The following PDE10A variants were observed in gnomAD, a reference collection of about 807,000 sequenced individuals.
PDE10A encodes the protein cAMP and cAMP-inhibited cGMP 3',5'-cyclic phosphodiesterase 10A.
Under a neutral mutation model 97.7 loss-of-function variants are expected in PDE10A, and 39 were observed. That is an observed-to-expected ratio of 0.40 (90% CI 0.31 to 0.52). The LOEUF is 0.52. Among genes scored for constraint, PDE10A ranks in the 20% least tolerant of loss-of-function variants. The pLI, the probability that PDE10A is intolerant of heterozygous loss-of-function variation, is 0.56. For synonymous variants in PDE10A, 371 were observed against 376.8 expected, an observed-to-expected ratio of 0.98 and a Z score of 0.18; for missense variants, 731 against 1,047.8, an observed-to-expected ratio of 0.70 and a Z score of 4.17.
chr6:165,818,474 G>A (rs1779479644), intron 1 of PDE10A, among the ~76,000 whole-genome samples: 1 of 152,168 alleles, frequency 6.6e-6, no homozygotes, highest in African/African-American at 2.4e-5. Flanking sequence ...CCAGGGGAAG[G>A]CTGAGCACAC....
intron 1 of PDE10A, among the ~76,000 whole-genome samples, chr6:165,924,433 G>A (rs1377243419): frequency 6.6e-6 from 1 of 151,140 alleles, no homozygotes; most frequent in Non-Finnish European, 1.5e-5. Flanking sequence ...TAGAACATCT[G>A]CCTCTGTGGT....
At chr6:165,420,297 G>T (rs1267683076) in intron 10 of PDE10A, among the ~76,000 whole-genome samples, 4 of 152,118 alleles carry the variant, frequency 2.6e-5, no homozygotes, top group Non-Finnish European at 2.9e-5. Context: ...AGCTGCAAGA[G>T]AGTATGGCCC....
chr6:165,461,011 G>C (rs372564717), intron 3 of PDE10A, among the ~76,000 whole-genome samples: 5 of 152,274 alleles, frequency 3.3e-5, no homozygotes, highest in African/African-American at 1.2e-4. Context: ...AATTTGGATA[G>C]AACAATGGCC....
intron 1 of PDE10A, among the ~76,000 whole-genome samples, chr6:165,874,156 T>C (rs1416647167): frequency 6.6e-6 from 1 of 152,188 alleles, no homozygotes; most frequent in East Asian, 1.9e-4. Context: ...CCATAAAAAT[T>C]GTAGCACTAA....
chr6:165,892,139 A>G (rs1401907973), intron 1 of PDE10A, among the ~76,000 whole-genome samples: 1 of 152,142 alleles, frequency 6.6e-6, no homozygotes, highest in African/African-American at 2.4e-5. Context: ...TGCCCACAGA[A>G]ATTTTCAGTT....
At chr6:165,691,108 C>T (rs569246049) in intron 1 of PDE10A, among the ~76,000 whole-genome samples, 3,069 of 34,388 alleles carry the variant, frequency 0.089, 532 homozygotes, top group East Asian at 0.38. Context: ...TTTCTCTCTC[C>T]CCCCCCCCAT....
chr6:165,458,398 C>G (rs911628013), intron 3 of PDE10A, among the ~76,000 whole-genome samples: 3 of 152,160 alleles, frequency 2.0e-5, no homozygotes, highest in South Asian at 4.1e-4. Context: ...ACACTTCCAC[C>G]CTGTGAGGAC....
chr6:165,379,824 A>G (rs185162566), intron 17 of PDE10A, among the ~76,000 whole-genome samples: 2 of 152,372 alleles, frequency 1.3e-5, no homozygotes, highest in Admixed American at 6.5e-5. Context: ...GTAACATACC[A>G]AAACATGCTT....
intron 7 of PDE10A, among the ~76,000 whole-genome samples, chr6:165,431,870 AT>A (rs1011945155): frequency 6.6e-6 from 1 of 152,130 alleles, no homozygotes; most frequent in Non-Finnish European, 1.5e-5. Flanking sequence ...CTGTAGCCCA[AT>A]GATTTTCACA....
chr6:165,592,571 C>A (rs1786342398), intron 1 of PDE10A, among the ~76,000 whole-genome samples: 1 of 152,110 alleles, frequency 6.6e-6, no homozygotes, highest in Non-Finnish European at 1.5e-5. Flanking sequence ...GGGCTAATAT[C>A]CAGAATCTAC....
chr6:165,735,423 T>A (rs1013258721), intron 1 of PDE10A, among the ~76,000 whole-genome samples: 8 of 151,712 alleles, frequency 5.3e-5, no homozygotes, highest in African/African-American at 1.9e-4. Flanking sequence ...GGTAGATAGG[T>A]AGGTAGGTTG....
In PDE10A at chr6:165,519,431, T is replaced by C. The variant is rs149639700; in HGVS notation, c.994+24009A>G. On this transcript the variant is annotated intron_variant, in intron 2 of 21. Transcript: ENST00000539869. ...ATGTCTATCTCATCCAGGGTAATAA[T>C]TGAGAAATCTCATGGAGACTGAGAT... 2.7e-3 allele frequency among the ~76,000 whole-genome samples: 407 copies of C among 151,876 alleles called. 2 individuals carry two copies. The highest frequency in any genetic ancestry group is 0.023 in the South Asian group (110 of 4,802).
intron 1 of PDE10A, among the ~76,000 whole-genome samples, chr6:165,610,532 A>C (rs1583640446): frequency 1.4e-5 from 2 of 144,288 alleles, no homozygotes; most frequent in Admixed American, 1.4e-4. Flanking sequence ...CTCCGTCTCA[A>C]AAAAAAAAAA....
intron 17 of PDE10A, among the ~76,000 whole-genome samples, chr6:165,379,778 T>C (rs1167075847): frequency 1.3e-5 from 2 of 152,206 alleles, no homozygotes; most frequent in African/African-American, 4.8e-5. Flanking sequence ...CTTAATGGGC[T>C]AAAAAAGGCA....
intron 1 of PDE10A, among the ~76,000 whole-genome samples, chr6:165,804,715 C>G (rs886267569): frequency 2.6e-5 from 4 of 151,906 alleles, no homozygotes; most frequent in Non-Finnish European, 4.4e-5. Context: ...ACCGGCTCGG[C>G]TGCAGGTGGG....
chr6:165,886,474 C>T (rs967317278), intron 1 of PDE10A, among the ~76,000 whole-genome samples: 2 of 152,186 alleles, frequency 1.3e-5, no homozygotes, highest in African/African-American at 4.8e-5. Context: ...GCTAAGCGCA[C>T]AGAAGTCAGA....
chr6:165,725,432 C>T (rs895763741), intron 1 of PDE10A, among the ~76,000 whole-genome samples: 1 of 152,186 alleles, frequency 6.6e-6, no homozygotes, highest in African/African-American at 2.4e-5. Context: ...ACAAGCTGCC[C>T]GTCTGCATGC....
intron 18 of PDE10A, among the ~76,000 whole-genome samples, chr6:165,363,913 C>A (rs1361860300): frequency 6.6e-6 from 1 of 152,058 alleles, no homozygotes; most frequent in Non-Finnish European, 1.5e-5. Flanking sequence ...TATTCACAGA[C>A]TTAATATTGT....
At chr6:165,882,142 T>C (rs1393200339) in intron 1 of PDE10A, among the ~76,000 whole-genome samples, 2 of 152,322 alleles carry the variant, frequency 1.3e-5, no homozygotes, top group African/African-American at 4.8e-5. Flanking sequence ...ACGTGGCAGA[T>C]TGATTTCCAC....
Sources: gnomAD v4.1 joint callset for allele counts (sites outside exome capture counted in the v4.1 genomes callset) on GRCh38, gnomAD v4.1.1 for gene constraint, MANE v1.5 for transcripts, NCBI Gene and HGNC (gene_info 2026-07-23, HGNC 2026-07-21) for gene names.